Variants in ITGA9 observed in about 807,000 individuals in gnomAD.
ITGA9 encodes integrin alpha-9.
Under a neutral mutation model 127.8 loss-of-function variants are expected in ITGA9, and 56 were observed. The observed-to-expected ratio is 0.44, with a 90% confidence interval of 0.35 to 0.55. The LOEUF (loss-of-function observed/expected upper bound fraction) is 0.55. Ranked by LOEUF, ITGA9 falls within the 20% of genes least tolerant of loss-of-function variation. The pLI is 0.00. For missense variants in ITGA9, 1,196 were observed against 1,347.1 expected, an observed-to-expected ratio of 0.89 and a Z score of 1.76; for synonymous variants, 508 against 514.5, an observed-to-expected ratio of 0.99 and a Z score of 0.17.
At chr3:37,674,375 A>T (rs956371692) in intron 17 of ITGA9, among the ~76,000 whole-genome samples, 1 of 152,230 alleles carries the variant, frequency 6.6e-6, no homozygotes, top group African/African-American at 2.4e-5. Flanking sequence ...GTACCTTGGA[A>T]ATGCAATAGC....
At chr3:37,479,539 G>T (rs1336187845) in intron 3 of ITGA9, among the ~76,000 whole-genome samples, 3 of 152,154 alleles carry the variant, frequency 2.0e-5, no homozygotes, top group Admixed American at 2.0e-4. Context: ...ATCATAGAAT[G>T]ATGTCAGGGA....
intron 16 of ITGA9, among the ~76,000 whole-genome samples, chr3:37,650,783 C>G (rs1700422336): frequency 6.6e-6 from 1 of 151,590 alleles, no homozygotes; most frequent in Non-Finnish European, 1.5e-5. Context: ...ATGGTGTTCA[C>G]TCAGTCACAC....
chr3:37,587,705 C>G (rs142736709), intron 15 of ITGA9, among the ~76,000 whole-genome samples: 2 of 152,232 alleles, frequency 1.3e-5, no homozygotes, highest in African/African-American at 4.8e-5. Flanking sequence ...TTATTGAGAA[C>G]CTACTATGTG....
chr3:37,682,816 C>T (rs1451077641), intron 17 of ITGA9, among the ~76,000 whole-genome samples: 1 of 152,196 alleles, frequency 6.6e-6, no homozygotes, highest in African/African-American at 2.4e-5. Context: ...AATCTGTTGG[C>T]ATGACCTTTG....
At chr3:37,465,514 A>G (rs1309003563) in intron 1 of ITGA9, among the ~76,000 whole-genome samples, 1 of 152,218 alleles carries the variant, frequency 6.6e-6, no homozygotes, top group Non-Finnish European at 1.5e-5. Flanking sequence ...TGGAAAACAC[A>G]TGAGAGGCTG....
chr3:37,742,736 G>A (rs1049455543), intron 21 of ITGA9, among the ~76,000 whole-genome samples: 4 of 152,166 alleles, frequency 2.6e-5, no homozygotes, highest in African/African-American at 9.7e-5. Flanking sequence ...TCCCTTGCAG[G>A]GAGAGCCATC....
At chr3:37,685,843 C>CT (rs1249867056) in intron 18 of ITGA9, among the ~76,000 whole-genome samples, 1 of 152,220 alleles carries the variant, frequency 6.6e-6, no homozygotes, top group African/African-American at 2.4e-5. Context: ...TGACCCCACT[C>CT]TGTCAGTATA....
At chr3:37,723,424 G>A (rs889839861) in intron 18 of ITGA9, among the ~76,000 whole-genome samples, 9 of 152,034 alleles carry the variant, frequency 5.9e-5, no homozygotes, top group Admixed American at 3.3e-4. Flanking sequence ...GCAGTAGTGC[G>A]ATCTCGGCTC....
chr3:37,600,412 A>G (rs1346643325), intron 15 of ITGA9, among the ~76,000 whole-genome samples: 2 of 152,118 alleles, frequency 1.3e-5, no homozygotes, highest in Non-Finnish European at 2.9e-5. Flanking sequence ...TCTGTGGCCT[A>G]TTCCTGTGCT....
intron 1 of ITGA9, among the ~76,000 whole-genome samples, chr3:37,455,508 A>G (rs1246290158): frequency 6.6e-6 from 1 of 152,178 alleles, no homozygotes. Context: ...CTGAAAGAGT[A>G]TAGAACCTAC....
chr3:37,689,332 G>T (rs1177786412), intron 18 of ITGA9, among the ~76,000 whole-genome samples: 3 of 152,214 alleles, frequency 2.0e-5, no homozygotes, highest in Non-Finnish European at 4.4e-5. Context: ...ATGACCATCT[G>T]CTGGCTTTTT....
chr3:37,807,966 T>C (rs1697318757), intron 27 of ITGA9: 1 of 152,284 alleles, frequency 6.6e-6, no homozygotes, highest in African/African-American at 2.4e-5. Flanking sequence ...GAGCTTGGTG[T>C]TGGGCTTTCT....
chr3:37,544,284 G>A (rs1699304905), intron 15 of ITGA9, among the ~76,000 whole-genome samples: 1 of 152,174 alleles, frequency 6.6e-6, no homozygotes, highest in Non-Finnish European at 1.5e-5. Flanking sequence ...GGGTTACTGG[G>A]AAGGATCAGG....
Position 37,513,859 on chromosome 3 carries a change from AG to A in ITGA9, c.997del (p.Asp333MetfsTer22), listed in dbSNP as rs1698958536. ...LVGAPMFSEI[R>X]DEGQVTVYIN... ...GGGGGCCCCCATGTTTTCTGAGATCAGGGATGAGGGACAGGTCACTGTCTAC... is the reference window on the plus strand; with the variant it reads ...GGGGGCCCCCATGTTTTCTGAGATCAGGATGAGGGACAGGTCACTGTCTAC... On this transcript the variant is annotated frameshift_variant, in exon 9 of 28. Transcript: ENST00000264741. LOFTEE classifies it high-confidence loss of function. 1 of 1,613,612 alleles carries A rather than the reference AG, an allele frequency of 6.2e-7. No individual in the cohort carries two copies. Among genetic ancestry groups the A allele is most frequent in the African/African-American group, 1.3e-5 (1 of 74,878 alleles).
chr3:37,467,054 A>G (rs892118351), intron 1 of ITGA9, among the ~76,000 whole-genome samples: 3 of 152,164 alleles, frequency 2.0e-5, no homozygotes, highest in Admixed American at 1.3e-4. Flanking sequence ...TAACTTCAGA[A>G]AAGACTCACT....
intron 21 of ITGA9, among the ~76,000 whole-genome samples, chr3:37,743,502 A>G (rs1460382766): frequency 6.6e-6 from 1 of 152,228 alleles, no homozygotes; most frequent in Non-Finnish European, 1.5e-5. Flanking sequence ...TAAGTTTTTT[A>G]AGTGAATTTG....
At chr3:37,527,128 A>G (rs1236179276) in intron 13 of ITGA9, among the ~76,000 whole-genome samples, 1 of 152,230 alleles carries the variant, frequency 6.6e-6, no homozygotes, top group Non-Finnish European at 1.5e-5. Flanking sequence ...TCTGTTGGCC[A>G]GGACAGCAAT....
In ITGA9 at chr3:37,470,207, G is replaced by T. The variant is rs536026531; in HGVS notation, c.186-800G>T. On this transcript the variant is annotated intron_variant, in intron 1 of 27. Transcript: ENST00000264741. ...ATTTTGCATGTCTCCTGGTAGAAAT[G>T]TATGCATCTCTATTAGGTATAGTCC... 7.8e-5 allele frequency among the ~76,000 whole-genome samples: 11 copies of T among 140,282 alleles called. No individual in the cohort carries two copies. The South Asian group carries it at 2.5e-3, about 32-fold the overall frequency. The allele number at this position is 140,282 out of a possible 152,430, so 92.0% of individuals were successfully genotyped here.
intron 15 of ITGA9, among the ~76,000 whole-genome samples, chr3:37,559,049 G>A (rs1270237819): frequency 1.3e-5 from 2 of 152,112 alleles, no homozygotes; most frequent in African/African-American, 4.8e-5. Flanking sequence ...TTTAAAGCAG[G>A]GAGCTTATGG....
Sources: allele counts gnomAD v4.1 joint callset (sites outside exome capture counted in the v4.1 genomes callset), GRCh38; gene constraint gnomAD v4.1.1; transcripts MANE v1.5; gene names NCBI Gene and HGNC (gene_info 2026-07-23, HGNC 2026-07-21).